The following RAPGEF4 variants were observed in gnomAD, a reference collection of about 807,000 sequenced individuals.
RAPGEF4 encodes Rap guanine nucleotide exchange factor 4, also known as RAP guanine-nucleotide-exchange factor (GEF) 4.
Under a neutral mutation model 147.9 loss-of-function variants are expected in RAPGEF4, and 66 were observed. The ratio of observed to expected loss-of-function variants is 0.45; its 90% confidence interval spans 0.37 to 0.55. RAPGEF4 has a LOEUF of 0.55. RAPGEF4 is among the 20% of genes least tolerant of loss of function. The pLI is 0.00. For missense variants in RAPGEF4, 1,071 were observed against 1,257.3 expected (o/e 0.85, Z 2.24); for synonymous variants, 419 against 442.7 (o/e 0.95, Z 0.67).
intron 25 of RAPGEF4, 119 bp downstream of exon 25, chr2:173,027,378 C>A: frequency 2.5e-6 from 2 of 784,882 alleles, no homozygotes; most frequent in Non-Finnish European, 3.8e-6. Flanking sequence ...GGGCCAAACA[C>A]AGGGTCTTAG....
intron 17 of RAPGEF4, 50 bp from the exon 18 acceptor site, chr2:173,014,414 A>G (rs1464206334): frequency 1.9e-6 from 3 of 1,608,486 alleles, no homozygotes; most frequent in Non-Finnish European, 1.7e-6. Context: ...TGAAAGTAGC[A>G]TGTGAAATGA....
intron 3 of RAPGEF4, among the ~76,000 whole-genome samples, chr2:172,811,590 C>T (rs914833768): frequency 1.3e-5 from 2 of 152,130 alleles, no homozygotes; most frequent in Admixed American, 6.5e-5. Context: ...TATGTATAAG[C>T]GTAAAAGAAA....
At chr2:172,970,282 A>G (rs1690328801) in intron 10 of RAPGEF4, among the ~76,000 whole-genome samples, 1 of 151,656 alleles carries the variant, frequency 6.6e-6, no homozygotes, top group African/African-American at 2.4e-5. Context: ...CAGTATCACT[A>G]CTGTCCTTGA....
At chr2:173,030,034 A>C (rs1392498295) in intron 25 of RAPGEF4, 130 bp from the exon 26 acceptor site, 1 of 612,690 alleles carries the variant, frequency 1.6e-6, no homozygotes, top group Non-Finnish European at 2.9e-6. Flanking sequence ...CAGTACATTA[A>C]ATCTATCATT....
At chr2:172,989,646 A>G (rs1417625366) in intron 14 of RAPGEF4, among the ~76,000 whole-genome samples, 2 of 152,014 alleles carry the variant, frequency 1.3e-5, no homozygotes, top group Non-Finnish European at 2.9e-5. Context: ...CTGATCATGG[A>G]CTTTTAGGGA....
At chr2:172,976,068 C>A (rs1478321856) in intron 10 of RAPGEF4, among the ~76,000 whole-genome samples, 1 of 152,216 alleles carries the variant, frequency 6.6e-6, no homozygotes, top group Non-Finnish European at 1.5e-5. Flanking sequence ...ATTCATAAAG[C>A]TTTTGCCCTT....
intron 4 of RAPGEF4, among the ~76,000 whole-genome samples, chr2:172,865,358 G>A (rs550264373): frequency 3.3e-5 from 5 of 152,212 alleles, no homozygotes; most frequent in Admixed American, 1.3e-4. Context: ...AATTACCTGC[G>A]TAGTCCAAAT....
At chr2:172,832,451 GT>G (rs1476817161) in intron 4 of RAPGEF4, among the ~76,000 whole-genome samples, 1 of 152,094 alleles carries the variant, frequency 6.6e-6, no homozygotes, top group Non-Finnish European at 1.5e-5. Flanking sequence ...AACTTTTTCT[GT>G]GTTCTCTATC....
intron 10 of RAPGEF4, among the ~76,000 whole-genome samples, chr2:172,968,854 T>C (rs1211706233): frequency 6.6e-6 from 1 of 152,196 alleles, no homozygotes; most frequent in Non-Finnish European, 1.5e-5. Context: ...ACCACCATTT[T>C]AAGCCATGTT....
chr2:172,952,999 AG>A (rs903513785), intron 6 of RAPGEF4, among the ~76,000 whole-genome samples: 3 of 151,892 alleles, frequency 2.0e-5, no homozygotes, highest in Admixed American at 6.6e-5. Flanking sequence ...AACAGTTGAC[AG>A]GGGGGGTCCA....
intron 4 of RAPGEF4, among the ~76,000 whole-genome samples, chr2:172,828,058 C>T (rs762899105): frequency 6.6e-6 from 1 of 152,062 alleles, no homozygotes; most frequent in Non-Finnish European, 1.5e-5. Flanking sequence ...ATGCCAGTTA[C>T]GATGCTAGGC....
intron 1 of RAPGEF4, among the ~76,000 whole-genome samples, chr2:172,788,370 G>T (rs568686016): frequency 6.6e-6 from 1 of 152,322 alleles, no homozygotes; most frequent in Non-Finnish European, 1.5e-5. Context: ...AGAAAACGTT[G>T]TAAGGAAAAG....
At chr2:172,816,192 C>G (rs13408604) in intron 4 of RAPGEF4, among the ~76,000 whole-genome samples, 74,053 of 151,796 alleles carry the variant, frequency 0.49, 18,729 homozygotes, top group Non-Finnish European at 0.56. Flanking sequence ...CCTTTTATAG[C>G]TTTGTTTCAA....
intron 24 of RAPGEF4, 39 bp from the exon 25 acceptor site, chr2:173,027,042 A>G: frequency 2.2e-6 from 3 of 1,365,002 alleles, no homozygotes; most frequent in Non-Finnish European, 3.0e-6. Context: ...GTTTTGATTT[A>G]AAAAAAAATA....
chr2:172,960,854 T>A, intron 7 of RAPGEF4, 41 bp downstream of exon 7: 1 of 1,500,862 alleles, frequency 6.7e-7, no homozygotes, highest in Non-Finnish European at 9.2e-7. Context: ...TTGAGCTAGC[T>A]TCTTAAGTAC....
Position 172,988,734 on chromosome 2 carries a change from G to C in RAPGEF4, c.1269G>C (p.Lys423Asn). The change falls in exon 14 of 31, where the codon AAG becomes AAC. Residue 423 changes from lysine (K) to asparagine (N), a missense_variant. By Grantham distance (94) the Lys-to-Asn change is moderately conservative. Transcript: ENST00000397081. Reference sequence around the variant, plus strand: ...TGCATGAAGGAGATGACTTCGGCAAGTTAGCACTAGTGAATGATGCCCCAC... The same window carrying C: ...TGCATGAAGGAGATGACTTCGGCAACTTAGCACTAGTGAATGATGCCCCAC... ...CTLHEGDDFG[K>N]LALVNDAPRA... 6.2e-7 allele frequency: 1 copy of C among 1,612,498 alleles called. No homozygotes were observed. Among genetic ancestry groups the C allele is most frequent in the Non-Finnish European group, 8.5e-7 (1 of 1,178,482 alleles).
intron 6 of RAPGEF4, among the ~76,000 whole-genome samples, chr2:172,955,160 C>T (rs1335173359): frequency 2.0e-5 from 3 of 152,198 alleles, no homozygotes; most frequent in Admixed American, 1.3e-4. Context: ...GAATTACCCC[C>T]TTTCAAAAGG....
intron 4 of RAPGEF4, among the ~76,000 whole-genome samples, chr2:172,874,494 C>T (rs554911634): frequency 1.3e-5 from 2 of 151,958 alleles, no homozygotes; most frequent in South Asian, 4.1e-4. Context: ...TGAGAACATG[C>T]GATGTTTGGT....
chr2:172,848,641 T>C (rs1413513438), intron 4 of RAPGEF4, among the ~76,000 whole-genome samples: 2 of 152,182 alleles, frequency 1.3e-5, no homozygotes, highest in African/African-American at 4.8e-5. Flanking sequence ...AAGATTTTTA[T>C]CATCTTACAG....
Sources: gnomAD v4.1 joint callset for allele counts (sites outside exome capture counted in the v4.1 genomes callset) on GRCh38, gnomAD v4.1.1 for gene constraint, MANE v1.5 for transcripts, NCBI Gene and HGNC (gene_info 2026-07-23, HGNC 2026-07-21) for gene names.